Variants in DCDC1 observed in about 807,000 individuals in gnomAD.
DCDC1 encodes doublecortin domain containing 1, also known as doublecortin domain-containing protein 1.
Under a neutral mutation model 178.3 loss-of-function variants are expected in DCDC1, and 200 were observed. The ratio of observed to expected loss-of-function variants is 1.12; its 90% CI spans 1.00 to 1.26. The LOEUF is 1.26. Ranked by LOEUF, DCDC1 falls within the 50% of genes most tolerant of loss-of-function variation. The probability of loss-of-function intolerance (pLI) is 0.00; values close to 1 mark genes in which losing one functional copy is unlikely to be tolerated. For missense variants in DCDC1, 1,983 were observed against 1,749.2 expected (o/e 1.13, Z -2.38); for synonymous variants, 690 against 604.8 (o/e 1.14, Z -2.07).
chr11:31,098,973 C>A (rs1958328546), intron 15 of DCDC1, among the ~76,000 whole-genome samples: 2 of 152,168 alleles, frequency 1.3e-5, no homozygotes, highest in Non-Finnish European at 2.9e-5. Flanking sequence ...AGTGTTTTCT[C>A]ATTTTCACTA....
intron 8 of DCDC1, among the ~76,000 whole-genome samples, chr11:31,251,362 TA>T (rs1481361592): frequency 1.3e-5 from 2 of 152,184 alleles, no homozygotes; most frequent in African/African-American, 2.4e-5. Flanking sequence ...TGAGGATGTT[TA>T]AGCATTTGGA....
intron 38 of DCDC1, among the ~76,000 whole-genome samples, chr11:30,870,989 T>C (rs544570825): frequency 1.3e-5 from 2 of 152,260 alleles, no homozygotes; most frequent in Non-Finnish European, 2.9e-5. Flanking sequence ...GAAAGATCAG[T>C]CTACACTGTT....
intron 9 of DCDC1, among the ~76,000 whole-genome samples, chr11:31,187,626 T>C (rs1223937420): frequency 6.6e-6 from 1 of 152,252 alleles, no homozygotes; most frequent in Admixed American, 6.5e-5. Context: ...CTGGATTCCT[T>C]GACCATAGAC....
At chr11:31,020,533 C>A (rs921379523) in intron 20 of DCDC1, among the ~76,000 whole-genome samples, 5 of 152,196 alleles carry the variant, frequency 3.3e-5, no homozygotes, top group African/African-American at 1.2e-4. Context: ...TTGGCCACTT[C>A]TCTTTCCTCA....
intron 3 of DCDC1, among the ~76,000 whole-genome samples, chr11:31,327,883 A>G (rs1375583176): frequency 6.6e-6 from 1 of 151,878 alleles, no homozygotes; most frequent in Non-Finnish European, 1.5e-5. Context: ...TCCCATGACC[A>G]TGTCCGGCTA....
chr11:30,916,211 A>G (rs1401769941), intron 26 of DCDC1, among the ~76,000 whole-genome samples: 1 of 152,194 alleles, frequency 6.6e-6, no homozygotes, highest in African/African-American at 2.4e-5. Flanking sequence ...TGATGCACTA[A>G]TAATTTAAAT....
rs71060480 is a variant in DCDC1, at chr11:31,213,100, CCT to C, written c.1221+28348_1221+28349del. Among the ~76,000 whole-genome samples, 111 of 44,244 alleles carry C rather than the reference CCT, an allele frequency of 2.5e-3. 2 individuals are homozygous for C. The highest frequency in any genetic ancestry group is 0.017 in the Middle Eastern group (1 of 60). The allele number at this position is 44,244 out of a possible 152,430, so 29.0% of individuals were successfully genotyped here. A position where few individuals can be genotyped will look rare whatever the true frequency, so the allele number is the denominator to read the frequency against. ...GTGTCATCTTCTATATAAAGCCCAGCCTCTCTCTCTCTCTCTCTCTCTCTCTC... is the reference window on the plus strand; with the variant it reads ...GTGTCATCTTCTATATAAAGCCCAGCCTCTCTCTCTCTCTCTCTCTCTCTC... On this transcript the variant is annotated intron_variant, in intron 9 of 38. Coordinates refer to ENST00000684477, the MANE Select transcript of DCDC1 (RefSeq NM_001387274.1).
chr11:31,192,065 C>T (rs561584537), intron 9 of DCDC1, among the ~76,000 whole-genome samples: 1 of 152,020 alleles, frequency 6.6e-6, no homozygotes, highest in Admixed American at 6.6e-5. Context: ...CCTTCCCTTT[C>T]CTTATCCAGG....
At chr11:31,228,447 T>C (rs938535613) in intron 9 of DCDC1, among the ~76,000 whole-genome samples, 5 of 152,078 alleles carry the variant, frequency 3.3e-5, no homozygotes, top group Non-Finnish European at 7.4e-5. Context: ...ATTAAATGCT[T>C]ACAATAGAAA....
At chr11:30,991,700 T>C (rs372842043) in intron 20 of DCDC1, among the ~76,000 whole-genome samples, 2 of 152,290 alleles carry the variant, frequency 1.3e-5, no homozygotes, top group South Asian at 2.1e-4. Flanking sequence ...TATATACTTC[T>C]GGAATTATTC....
Position 31,103,498 on chromosome 11 carries a change from A to G in DCDC1, c.1877+146T>C, listed in dbSNP as rs1958637961. On this transcript the variant is annotated intron_variant, in intron 14 of 38. Coordinates refer to ENST00000684477, the MANE Select transcript of DCDC1 (RefSeq NM_001387274.1). ...AGGCACTACCTCATTATACCATTAAATAAGTCAATAAAAGAAACAATTGCT... is the reference window on the plus strand; with the variant it reads ...AGGCACTACCTCATTATACCATTAAGTAAGTCAATAAAAGAAACAATTGCT... 4 of 542,562 alleles carry G rather than the reference A, an allele frequency of 7.4e-6. No individual in the cohort carries two copies. The South Asian group carries it at 1.1e-4, about 15-fold the overall frequency. 33.6% of individuals were successfully genotyped at this position (542,562 alleles called of 1,614,324 possible). A position where few individuals can be genotyped will look rare whatever the true frequency, so the allele number is the denominator to read the frequency against.
intron 20 of DCDC1, among the ~76,000 whole-genome samples, chr11:31,032,727 G>GA (rs1370472781): frequency 6.6e-6 from 1 of 152,168 alleles, no homozygotes; most frequent in Non-Finnish European, 1.5e-5. Context: ...TGTTCCCATT[G>GA]AAAGAAGAGA....
chr11:30,998,200 G>A (rs1417639567), intron 20 of DCDC1, among the ~76,000 whole-genome samples: 1 of 152,060 alleles, frequency 6.6e-6, no homozygotes, highest in Non-Finnish European at 1.5e-5. Flanking sequence ...GCTGAGATGG[G>A]AGAATCACTT....
At chr11:31,179,542 A>C (rs1383335480) in intron 9 of DCDC1, among the ~76,000 whole-genome samples, 2 of 152,236 alleles carry the variant, frequency 1.3e-5, no homozygotes, top group Non-Finnish European at 2.9e-5. Flanking sequence ...ATGAATCTAG[A>C]CATCATGTTA....
chr11:31,346,797 G>A, intron 1 of DCDC1, among the ~76,000 whole-genome samples: 1 of 152,192 alleles, frequency 6.6e-6, no homozygotes, highest in African/African-American at 2.4e-5. Flanking sequence ...TCAGACAGCT[G>A]ATGATTGTTT....
intron 9 of DCDC1, among the ~76,000 whole-genome samples, chr11:31,238,346 A>T (rs1049059395): frequency 5.3e-5 from 8 of 152,118 alleles, no homozygotes; most frequent in African/African-American, 1.7e-4. Flanking sequence ...AGCAACTAAA[A>T]GCTCTATGTG....
intron 27 of DCDC1, among the ~76,000 whole-genome samples, chr11:30,912,856 T>C (rs1945542170): frequency 6.6e-6 from 1 of 152,058 alleles, no homozygotes; most frequent in Non-Finnish European, 1.5e-5. Context: ...CTAGCCTGGG[T>C]AAAATATGGA....
chr11:31,308,493 G>A (rs575940057), intron 3 of DCDC1, among the ~76,000 whole-genome samples: 3 of 152,136 alleles, frequency 2.0e-5, no homozygotes, highest in Non-Finnish European at 2.9e-5. Context: ...GTCGGTAAAG[G>A]CTTCACAGCA....
At chr11:31,321,358 T>C (rs1351342659) in intron 3 of DCDC1, among the ~76,000 whole-genome samples, 1 of 131,430 alleles carries the variant, frequency 7.6e-6, no homozygotes, top group East Asian at 2.3e-4. Context: ...AGTCTCGTGG[T>C]GCGCCGTTTC....
Sources: gnomAD v4.1 joint callset for allele counts (sites outside exome capture counted in the v4.1 genomes callset) on GRCh38, gnomAD v4.1.1 for gene constraint, MANE v1.5 for transcripts, NCBI Gene and HGNC (gene_info 2026-07-23, HGNC 2026-07-21) for gene names.